Variants in CACNA1A observed in about 807,000 individuals in gnomAD.
CACNA1A encodes the protein calcium voltage-gated channel subunit alpha1 A.
CACNA1A carries 57 observed loss-of-function variants against 262.4 expected under a neutral mutation model. The ratio of observed to expected loss-of-function variants is 0.22; its 90% CI spans 0.18 to 0.27. The LOEUF (loss-of-function observed/expected upper bound fraction) is 0.27. Ranked by LOEUF, CACNA1A falls within the 10% of genes least tolerant of loss-of-function variation. The probability of loss-of-function intolerance (pLI) is 1.00; values close to 1 mark genes in which losing one functional copy is unlikely to be tolerated. For synonymous variants in CACNA1A, 1,431 were observed against 1,419.3 expected (o/e 1.01, Z -0.18); for missense variants, 2,526 against 3,562.8 (o/e 0.71, Z 7.41).
At chr19:13,216,964 C>G (rs1283003763) in intron 38 of CACNA1A, among the ~76,000 whole-genome samples, 1 of 152,082 alleles carries the variant, frequency 6.6e-6, no homozygotes, top group Non-Finnish European at 1.5e-5. Flanking sequence ...TGAAACCAGT[C>G]TCTAGTAAAA....
intron 22 of CACNA1A, among the ~76,000 whole-genome samples, chr19:13,281,044 G>C (rs537968987): frequency 6.6e-6 from 1 of 151,570 alleles, no homozygotes; most frequent in African/African-American, 2.4e-5. Context: ...TGTTACAGAA[G>C]AGCAAACATA....
Position 13,207,672 on chromosome 19 carries a change from C to T in CACNA1A, c.7162G>A (p.Ala2388Thr), listed in dbSNP as rs1471373447. The change falls in exon 47 of 47, where the codon GCC (alanine) becomes ACC (threonine). Residue 2388 changes from alanine (A) to threonine (T), a missense_variant. Coordinates refer to ENST00000360228, the MANE Select transcript of CACNA1A (RefSeq NM_001127222.2). This position sits in a 1 kb window ranked among gnomAD's most constrained non-coding sequence, Gnocchi z 5.7. ...TGCGGGCCAGATGCCGGCCACCGGG[C>T]CCCGCCGTGTCGACAGGCCCTGGGG... The part of the protein sequence containing the change: ...ESPRACRHGG[A>T]RWPASGPHVS... The T allele has an allele frequency of 7.0e-7, 1 of 1,432,314 alleles. No individual in the cohort carries two copies. Among genetic ancestry groups the T allele is most frequent in the Non-Finnish European group, 9.2e-7 (1 of 1,092,188 alleles). 88.7% of individuals were successfully genotyped at this position (1,432,314 alleles called of 1,614,324 possible). A position where few individuals can be genotyped will look rare whatever the true frequency, so the allele number is the denominator to read the frequency against.
chr19:13,289,338 G>A (rs540033378), intron 19 of CACNA1A, among the ~76,000 whole-genome samples: 6 of 151,870 alleles, frequency 4.0e-5, no homozygotes, highest in Non-Finnish European at 8.8e-5. Context: ...GTAGAGATGA[G>A]GTCTCACTAT....
chr19:13,226,519 G>A, intron 37 of CACNA1A: 1 of 152,308 alleles, frequency 6.6e-6, no homozygotes, highest in Non-Finnish European at 1.5e-5. Flanking sequence ...TACTTTTTGG[G>A]TGGGGAGAAT....
chr19:13,293,396 A>G (rs2057587432), intron 19 of CACNA1A, among the ~76,000 whole-genome samples: 1 of 149,386 alleles, frequency 6.7e-6, no homozygotes, highest in South Asian at 2.2e-4. Flanking sequence ...GGTATAAGCC[A>G]GGAACCACTC....
chr19:13,365,946 A>T (rs537767791), intron 4 of CACNA1A: 1 of 152,288 alleles, frequency 6.6e-6, no homozygotes, highest in East Asian at 1.9e-4. Context: ...CTAGGATTAT[A>T]GGTGTGAGCC....
chr19:13,409,160 T>A (rs141859008), intron 3 of CACNA1A, among the ~76,000 whole-genome samples: 1 of 152,214 alleles, frequency 6.6e-6, no homozygotes, highest in Non-Finnish European at 1.5e-5. Context: ...TCTTGACGCT[T>A]TGGAACTTTG....
chr19:13,336,135 C>T (rs1600363360), intron 6 of CACNA1A, among the ~76,000 whole-genome samples: 1 of 152,286 alleles, frequency 6.6e-6, no homozygotes, highest in South Asian at 2.1e-4. Context: ...CCTCACATAA[C>T]ATAATTGACC....
At chr19:13,357,049 G>C (rs986758467) in intron 6 of CACNA1A, among the ~76,000 whole-genome samples, 8 of 152,192 alleles carry the variant, frequency 5.3e-5, no homozygotes, top group African/African-American at 1.9e-4. Context: ...TGATATGAAT[G>C]ACATTCTTGT....
chr19:13,491,066 A>C (rs1980821471), intron 1 of CACNA1A, among the ~76,000 whole-genome samples: 1 of 152,242 alleles, frequency 6.6e-6, no homozygotes, highest in African/African-American at 2.4e-5. Context: ...TCTGTCCCTT[A>C]ACCATCGTCC....
intron 3 of CACNA1A, among the ~76,000 whole-genome samples, chr19:13,434,496 T>C (rs2060576353): frequency 6.6e-6 from 1 of 152,174 alleles, no homozygotes; most frequent in South Asian, 2.1e-4. Flanking sequence ...GGAAGGTAAT[T>C]GGATCATGGG....
rs1600138573 is a variant in CACNA1A, at chr19:13,235,049, A to T, written c.5134-13T>A. On this transcript the variant is annotated splice_polypyrimidine_tract_variant and intron_variant, in intron 33 of 46. Coordinates refer to ENST00000360228, the MANE Select transcript of CACNA1A (RefSeq NM_001127222.2). ...TGTTACCAAACACCTGTGGAATTGG[A>T]GGGTGACGACCAGGGGCTGCCATTC... The T allele has an allele frequency of 3.1e-6, 5 of 1,597,378 alleles. No individual in the cohort carries two copies. Among genetic ancestry groups the T allele is most frequent in the Non-Finnish European group, 4.3e-6 (5 of 1,164,962 alleles).
intron 21 of CACNA1A, chr19:13,283,727 G>A (rs953872000): frequency 2.5e-5 from 5 of 200,920 alleles, no homozygotes; most frequent in South Asian, 1.1e-4. Flanking sequence ...AAGGCTTTTC[G>A]ATATTAAATG....
intron 15 of CACNA1A, 176 bp downstream of exon 15, chr19:13,307,606 G>C: frequency 1.7e-6 from 1 of 598,232 alleles, no homozygotes; most frequent in South Asian, 2.1e-5. Context: ...TTCATCTCCT[G>C]ATCTGTTGGC....
intron 38 of CACNA1A, among the ~76,000 whole-genome samples, chr19:13,222,015 T>G (rs1029731970): frequency 3.3e-5 from 5 of 152,106 alleles, no homozygotes; most frequent in Non-Finnish European, 7.4e-5. Flanking sequence ...CAAGTGATTC[T>G]TCTGCCTCAG....
chr19:13,456,606 G>A (rs1202396305), intron 1 of CACNA1A, among the ~76,000 whole-genome samples: 11 of 152,024 alleles, frequency 7.2e-5, no homozygotes, highest in Admixed American at 1.3e-4. Flanking sequence ...CCTGGGAGGC[G>A]GAGCTTGCAG....
intron 31 of CACNA1A, 178 bp downstream of exon 31, chr19:13,245,004 T>C: frequency 1.6e-6 from 1 of 610,126 alleles, no homozygotes; most frequent in Non-Finnish European, 2.9e-6. Context: ...CACAATGCCC[T>C]CCTGAGGGGC....
chr19:13,422,610 C>G (rs932772364), intron 3 of CACNA1A, among the ~76,000 whole-genome samples: 1 of 152,166 alleles, frequency 6.6e-6, no homozygotes, highest in African/African-American at 2.4e-5. Context: ...GTAGCTTATG[C>G]TCACAATGGG....
chr19:13,207,497 C>A lies in CACNA1A; in HGVS notation c.7337G>T (p.Gly2446Val). Residue 2446 changes from glycine (G) to valine (V), a missense_variant, in exon 47 of 47, where the codon GGC (glycine) becomes GTC (valine). Around this residue, in one of 17 missense-constraint regions of CACNA1A, gnomAD observed 929 missense variants for 868.1 expected, o/e 1.07. Coordinates refer to ENST00000360228, the MANE Select transcript of CACNA1A (RefSeq NM_001127222.2). This position sits in a 1 kb window ranked among gnomAD's most constrained non-coding sequence, Gnocchi z 5.7. Reference sequence around the variant, plus strand: ...AGTCCTGGGCGAGCGCCCGGTGGCGCCCGAGGACGCGTGTCGTACGGGGGG... The same window carrying A: ...AGTCCTGGGCGAGCGCCCGGTGGCGACCGAGGACGCGTGTCGTACGGGGGG... ...APPPVRHASS[G>V]ATGRSPRTPR... The A allele has an allele frequency of 1.4e-6, 2 of 1,422,354 alleles. No homozygotes were observed. Among genetic ancestry groups the A allele is most frequent in the Non-Finnish European group, 9.1e-7 (1 of 1,094,348 alleles). 88.1% of individuals were successfully genotyped at this position (1,422,354 alleles called of 1,614,324 possible).
Sources: allele counts gnomAD v4.1 joint callset (sites outside exome capture counted in the v4.1 genomes callset), GRCh38; gene constraint gnomAD v4.1.1; regional missense constraint gnomAD v4.1.1; non-coding constraint Gnocchi (gnomAD v3.1); transcripts MANE v1.5; gene names NCBI Gene and HGNC (gene_info 2026-07-23, HGNC 2026-07-21).